KCNAB2: variants seen among roughly 807,000 people sequenced by gnomAD.
KCNAB2 encodes the protein voltage-gated potassium channel subunit beta-2.
Under a neutral mutation model 63.6 loss-of-function variants are expected in KCNAB2, and 29 were observed. That is an observed-to-expected ratio of 0.46 (90% CI 0.34 to 0.62). The LOEUF (loss-of-function observed/expected upper bound fraction) is 0.62, where lower values mean the gene tolerates loss of function less well. Ranked by LOEUF, KCNAB2 falls within the 20% of genes least tolerant of loss-of-function variation. The pLI is 0.01. For missense variants in KCNAB2, 359 were observed against 563.9 expected, an observed-to-expected ratio of 0.64 and a Z score of 3.68; for synonymous variants, 222 against 224.2, an observed-to-expected ratio of 0.99 and a Z score of 0.09.
At chr1:6,016,115 C>T (rs930245700) in intron 1 of KCNAB2, among the ~76,000 whole-genome samples, 6 of 152,218 alleles carry the variant, frequency 3.9e-5, no homozygotes, top group African/African-American at 1.4e-4. Context: ...GCCTCAAACC[C>T]CACCGTAAAG....
intron 1 of KCNAB2, among the ~76,000 whole-genome samples, chr1:6,015,766 G>A (rs897400367): frequency 1.3e-5 from 2 of 152,058 alleles, no homozygotes; most frequent in Admixed American, 6.5e-5. Context: ...GTGCAGTGTC[G>A]CAGTCATGGC....
intron 1 of KCNAB2, among the ~76,000 whole-genome samples, chr1:6,008,627 A>AG (rs1256444358): frequency 6.6e-6 from 1 of 151,388 alleles, no homozygotes; most frequent in African/African-American, 2.4e-5. Flanking sequence ...TGTCTCAAAA[A>AG]AAAAAAAAAA....
At chr1:6,090,159 G>A (rs956186544) in intron 8 of KCNAB2, among the ~76,000 whole-genome samples, 5 of 152,226 alleles carry the variant, frequency 3.3e-5, no homozygotes, top group Non-Finnish European at 5.9e-5. Context: ...TCAAGGACAC[G>A]TGGCCTGTGG....
chr1:6,086,398 T>C lies in KCNAB2; in HGVS notation c.426-1069T>C. 1.0e-6 allele frequency: 1 copy of C among 984,608 alleles called. No homozygotes were observed. 61.0% of individuals were successfully genotyped at this position (984,608 alleles called of 1,614,324 possible). A position where few individuals can be genotyped will look rare whatever the true frequency, so the allele number is the denominator to read the frequency against. ...CCCCTGATCACGTCTTTGGCGAATG[T>C]GCATGGAGGTGGTGTGGGGTGATCC... is the stretch of plus-strand genomic sequence containing the variant. On this transcript the variant is annotated intron_variant, in intron 6 of 15. Transcript: ENST00000378083. This position sits in a 1 kb window ranked among gnomAD's most constrained non-coding sequence, Gnocchi z 4.2.
chr1:6,040,467 C>G (rs751338529), intron 1 of KCNAB2: 10 of 1,049,876 alleles, frequency 9.5e-6, no homozygotes, highest in East Asian at 2.4e-5. Context: ...CCTGGTTGAT[C>G]TTTTTTAACC....
intron 5 of KCNAB2, among the ~76,000 whole-genome samples, chr1:6,083,126 C>T (rs1308852912): frequency 6.6e-6 from 1 of 152,192 alleles, no homozygotes; most frequent in African/African-American, 2.4e-5. Context: ...CATCTGCAGC[C>T]CTTTTGGCCC....
chr1:6,075,368 C>T (rs969026879), intron 4 of KCNAB2, among the ~76,000 whole-genome samples: 12 of 152,232 alleles, frequency 7.9e-5, no homozygotes, highest in East Asian at 3.8e-4. Context: ...GTGGCAGCCC[C>T]GCTGGCCCAG....
chr1:6,051,728 C>G lies in KCNAB2; in HGVS notation c.192C>G (p.Thr64=). Residue 64 remains threonine, a synonymous_variant, in exon 2 of 16, where the codon ACC becomes ACG. Coordinates refer to ENST00000378083, the MANE Select transcript of KCNAB2 (RefSeq NM_001199862.2). ...ACGGCCTTTCCCTGGACGGCTGCACCGCCCAGCGCACAGGCATGAAGTATC... is the reference window on the plus strand; with the variant it reads ...ACGGCCTTTCCCTGGACGGCTGCACGGCCCAGCGCACAGGCATGAAGTATC... ...RMHGLSLDGC[T]AQRTGMKYRN... is the part of the protein sequence containing the mutation. The G allele has an allele frequency of 6.5e-7, 1 of 1,533,414 alleles. No individual in the cohort carries two copies. Among genetic ancestry groups the G allele is most frequent in the Non-Finnish European group, 8.7e-7 (1 of 1,146,542 alleles). 95.0% of individuals were successfully genotyped at this position (1,533,414 alleles called of 1,614,324 possible). A position where few individuals can be genotyped will look rare whatever the true frequency, so the allele number is the denominator to read the frequency against.
intron 1 of KCNAB2, among the ~76,000 whole-genome samples, chr1:6,013,022 T>G (rs1001212569): frequency 6.6e-6 from 1 of 152,108 alleles, no homozygotes; most frequent in African/African-American, 2.4e-5. Context: ...GCACCCTCTG[T>G]CGCCCTAAGA....
At chr1:6,030,475 A>G (rs1659508389), upstream of KCNAB2, among the ~76,000 whole-genome samples, 1 of 150,344 alleles carries the variant, frequency 6.7e-6, no homozygotes, top group Non-Finnish European at 1.5e-5. Flanking sequence ...GTGTATGTGC[A>G]TATGTACGTG....
intron 4 of KCNAB2, among the ~76,000 whole-genome samples, chr1:6,080,657 A>AC (rs769189957): frequency 2.6e-5 from 4 of 151,564 alleles, no homozygotes; most frequent in African/African-American, 7.3e-5. Flanking sequence ...ATTTCCATAC[A>AC]CCCCCCACCC....
chr1:6,083,231 G>A (rs540959795), intron 5 of KCNAB2, among the ~76,000 whole-genome samples: 1 of 152,338 alleles, frequency 6.6e-6, no homozygotes, highest in East Asian at 1.9e-4. Context: ...CAGCGGAGGG[G>A]TCTGAGGTCA....
intron 4 of KCNAB2, among the ~76,000 whole-genome samples, chr1:6,079,150 G>A (rs560522725): frequency 3.1e-4 from 47 of 152,296 alleles, no homozygotes; most frequent in South Asian, 2.5e-3. Context: ...TGATGCTGCC[G>A]CAGGCTGCCC....
intron 2 of KCNAB2, among the ~76,000 whole-genome samples, chr1:6,072,482 T>C (rs1268222683): frequency 3.3e-5 from 5 of 152,178 alleles, no homozygotes; most frequent in African/African-American, 4.8e-5. Flanking sequence ...TCCCTGTGCA[T>C]TTCCATCTGT....
rs530683807 is a variant in KCNAB2, at chr1:6,086,634, G to T, written c.426-833G>T. Among the ~76,000 whole-genome samples the T allele has an allele frequency of 2.8e-4, 42 of 152,294 alleles. No homozygotes were observed. The highest frequency in any genetic ancestry group is 5.7e-4 in the Non-Finnish European group (39 of 68,010). ...CTGGGAGGGGTCAAGGTCAAACGTG[G>T]CTGGGAGGGGCCATCATTATCCCCC... On this transcript the variant is annotated intron_variant, in intron 6 of 15. Transcript: ENST00000378083. This position sits in a 1 kb window ranked among gnomAD's most constrained non-coding sequence, Gnocchi z 4.2.
At chr1:6,026,353 C>T (rs1659178838) in intron 1 of KCNAB2, 1 of 152,282 alleles carries the variant, frequency 6.6e-6, no homozygotes, top group African/African-American at 2.4e-5. Flanking sequence ...GCTGTGGTCC[C>T]AAGGCGCGTG....
intron 9 of KCNAB2, 100 bp downstream of exon 9, chr1:6,090,575 C>T (rs1390928613): frequency 7.8e-6 from 7 of 896,038 alleles, no homozygotes; most frequent in Non-Finnish European, 1.2e-5. Flanking sequence ...CTGCTGGGCA[C>T]CCGGGTGAGC....
chr1:6,005,425 T>TGGAAGCTGAGCTGAG (rs1657593879), intron 1 of KCNAB2, among the ~76,000 whole-genome samples: 1 of 700 alleles, frequency 1.4e-3, no homozygotes, highest in African/African-American at 5.0e-3. Flanking sequence ...GGTGGAGTTG[T>TGGAAGCTGAGCTGAG]GGGTTGTGTG....
At chr1:6,030,117 T>G (rs148716991), upstream of KCNAB2, among the ~76,000 whole-genome samples, 171 of 152,338 alleles carry the variant, frequency 1.1e-3, no homozygotes, top group African/African-American at 3.7e-3. Context: ...CCCTGGAGAT[T>G]AAATCAAAGC....
Sources: allele counts gnomAD v4.1 joint callset (sites outside exome capture counted in the v4.1 genomes callset), GRCh38; gene constraint gnomAD v4.1.1; non-coding constraint Gnocchi (gnomAD v3.1); transcripts MANE v1.5; gene names NCBI Gene and HGNC (gene_info 2026-07-23, HGNC 2026-07-21).